STK25: variants seen among roughly 807,000 people sequenced by gnomAD.
STK25 encodes serine/threonine-protein kinase 25.
Under a neutral mutation model 53.8 loss-of-function variants are expected in STK25, and 29 were observed. That is an observed-to-expected ratio of 0.54 (90% confidence interval 0.40 to 0.74). STK25 has a LOEUF of 0.74. STK25 is among the 30% of genes least tolerant of loss of function. STK25 has a pLI of 0.00. For synonymous variants in STK25, 247 were observed against 238.3 expected, an observed-to-expected ratio of 1.04 and a Z score of -0.33; for missense variants, 420 against 568.0, an observed-to-expected ratio of 0.74 and a Z score of 2.65.
In STK25 at chr2:241,496,595, C is replaced by G. The variant is rs1216430562; in HGVS notation, c.1105-61G>C. ...AGGACAGGCCTTCAGGGAGCCTGCTCCTTTGCTCGGCCACAGTGATGCCGG... is the reference window on the plus strand; with the variant it reads ...AGGACAGGCCTTCAGGGAGCCTGCTGCTTTGCTCGGCCACAGTGATGCCGG... On this transcript the variant is annotated intron_variant, in intron 10 of 11. Transcript: ENST00000316586. The surrounding 1 kb of genome is among the most constrained non-coding windows in gnomAD (Gnocchi z 5.8). 6.4e-7 allele frequency: 1 copy of G among 1,569,732 alleles called. No homozygotes were observed. The highest frequency in any genetic ancestry group is 1.7e-5 in the Admixed American group (1 of 57,736).
Position 241,495,680 on chromosome 2 carries a change from G to T in STK25, c.1263C>A (p.His421Gln). The T allele has an allele frequency of 1.9e-6, 3 of 1,614,218 alleles. No homozygotes were observed. Among genetic ancestry groups the T allele is most frequent in the Non-Finnish European group, 2.5e-6 (3 of 1,180,024 alleles). ...RVQRFSHNRN[H>Q]LTSTR The stretch of plus-strand genomic sequence containing the variant: ...GTGCGCTTCAGCGGGTGGATGTCAG[G>T]TGGTTTCTGTTGTGTGAAAACCTGC... The change falls in exon 12 of 12, where the codon CAC becomes CAA. Residue 421 changes from histidine to glutamine, a missense_variant. Coordinates refer to ENST00000316586, the MANE Select transcript of STK25 (RefSeq NM_001271977.2).
chr2:241,508,802 C>G, upstream of STK25: 1 of 967,322 alleles, frequency 1.0e-6, no homozygotes, highest in Non-Finnish European at 1.2e-6. Flanking sequence ...CGTCTCCCGG[C>G]AGGCCGCGCG....
chr2:241,495,650 C>G lies in STK25; in HGVS notation c.*12G>C, dbSNP rs371289620. 23 of 1,614,060 alleles carry G rather than the reference C, an allele frequency of 1.4e-5. No homozygotes were observed. Among genetic ancestry groups the G allele is most frequent in the East Asian group, 2.2e-5 (1 of 44,900 alleles). On this transcript the variant is annotated 3_prime_UTR_variant, in exon 12 of 12. Coordinates refer to ENST00000316586, the MANE Select transcript of STK25 (RefSeq NM_001271977.2). ...AACGACCTTCCGTCCCCTATCTGAA[C>G]AGCAGTGCGCTTCAGCGGGTGGATG...
In STK25 at chr2:241,501,550, G is replaced by C; in HGVS notation, c.189C>G (p.Ile63Met). 6.2e-7 allele frequency: 1 copy of C among 1,614,110 alleles called. No homozygotes were observed. The highest frequency in any genetic ancestry group is 8.5e-7 in the Non-Finnish European group (1 of 1,180,026). Residue 63 changes from isoleucine (I) to methionine (M), a missense_variant, in exon 3 of 12, where the codon ATC (isoleucine) becomes ATG (methionine). Ile to Met is a conservative substitution (Grantham distance 10). Coordinates refer to ENST00000316586, the MANE Select transcript of STK25 (RefSeq NM_001271977.2). The surrounding 1 kb of genome is among the most constrained non-coding windows in gnomAD (Gnocchi z 5.3). ...GACTGAGGACAGTGATCTCCTGCTGGATGTCCTCGATCTCATCCTCGGCCT... is the reference window on the plus strand; with the variant it reads ...GACTGAGGACAGTGATCTCCTGCTGCATGTCCTCGATCTCATCCTCGGCCT... ...LEEAEDEIEDIQQEITVLSQC... is the reference protein window; with the variant it reads ...LEEAEDEIEDMQQEITVLSQC...
At chr2:241,499,674 G>A (rs2065386996) in intron 5 of STK25, 3 of 564,886 alleles carry the variant, frequency 5.3e-6, no homozygotes, top group East Asian at 3.0e-5. Context: ...CCAACGACAA[G>A]CGACTTCGCC....
At chr2:241,502,766 A>T (rs1366096977) in intron 2 of STK25, among the ~76,000 whole-genome samples, 2 of 152,024 alleles carry the variant, frequency 1.3e-5, no homozygotes, top group Admixed American at 6.5e-5. Context: ...TAAAAAAAAA[A>T]ACCTCATCAA....
At chr2:241,507,930 C>A in intron 2 of STK25, 76 bp downstream of exon 2, 1 of 1,418,900 alleles carries the variant, frequency 7.0e-7, no homozygotes, top group South Asian at 1.2e-5. Flanking sequence ...GCGTGGCGCT[C>A]CCCTCTGAAC....
At chr2:241,495,811 C>A (rs1467897670) in intron 11 of STK25, 110 bp from the exon 12 acceptor site, 2 of 1,139,334 alleles carry the variant, frequency 1.8e-6, no homozygotes, top group South Asian at 2.5e-5. Flanking sequence ...CACCGCACCA[C>A]GTGGGTCTGA....
chr2:241,495,742 G>A (rs2065111177), intron 11 of STK25, 41 bp from the exon 12 acceptor site: 1 of 1,612,798 alleles, frequency 6.2e-7, no homozygotes, highest in East Asian at 2.2e-5. Flanking sequence ...GTGCACCTCT[G>A]TGCCCAGGCT....
chr2:241,500,069 C>T (rs956228037), intron 5 of STK25, 104 bp downstream of exon 5: 1 of 950,238 alleles, frequency 1.1e-6, no homozygotes, highest in Non-Finnish European at 1.7e-6. Context: ...CTCTATACTC[C>T]AGACCCTGGG....
chr2:241,497,661 C>T lies in STK25; in HGVS notation c.1059G>A (p.Pro353=), dbSNP rs34250019. ...CCAGCGTGGACAGGCACTGGGACCTCGGCTGCCTCTTGACGGGCTCCGCAG... is the reference window on the plus strand; with the variant it reads ...CCAGCGTGGACAGGCACTGGGACCTTGGCTGCCTCTTGACGGGCTCCGCAG... The part of the protein sequence containing the change: ...QKPAEPVKRQ[P]RSQCLSTLVR... Residue 353 remains proline (P), a synonymous_variant, in exon 10 of 12, where the codon CCG becomes CCA. Coordinates refer to ENST00000316586, the MANE Select transcript of STK25 (RefSeq NM_001271977.2). The T allele has an allele frequency of 3.6e-5, 58 of 1,613,482 alleles. No homozygotes were observed. The East Asian group carries it at 9.4e-4, about 26-fold the overall frequency.
At chr2:241,497,384 GAA>G in intron 10 of STK25, 3 of 536,684 alleles carry the variant, frequency 5.6e-6, no homozygotes, top group South Asian at 5.3e-5. Context: ...TGCACCTGAA[GAA>G]AAAAAAGTCA....
At position 241,501,292 on chromosome 2, in the gene STK25, C is replaced by T. The variant is rs2065494711; in HGVS notation, c.261+186G>A. ...AGGCAGGCAAGTGGGTCCCAATGGC[C>T]ATTTAGAGCCAACTGACCCTCGTGG... On this transcript the variant is annotated intron_variant, in intron 3 of 11. Transcript: ENST00000316586. This position sits in a 1 kb window ranked among gnomAD's most constrained non-coding sequence, Gnocchi z 5.3. 7.6e-6 allele frequency: 5 copies of T among 656,254 alleles called. No individual in the cohort carries two copies. In the Admixed American group the frequency reaches 1.1e-4, roughly 15 times the overall value. 40.7% of individuals were successfully genotyped at this position (656,254 alleles called of 1,614,324 possible).
chr2:241,499,489 G>C, intron 5 of STK25, 75 bp from the exon 6 acceptor site: 5 of 1,541,406 alleles, frequency 3.2e-6, no homozygotes, highest in East Asian at 2.4e-5. Flanking sequence ...AGAAGGGCCA[G>C]GGTACCATCC....
chr2:241,505,826 G>A (rs930048234), intron 2 of STK25, among the ~76,000 whole-genome samples: 1 of 152,192 alleles, frequency 6.6e-6, no homozygotes, highest in Admixed American at 6.5e-5. Context: ...GAGAAGAAAG[G>A]GTAAGTGGGC....
upstream of STK25, chr2:241,508,672 G>T: frequency 1.0e-6 from 1 of 985,886 alleles, no homozygotes; most frequent in Non-Finnish European, 1.2e-6. Flanking sequence ...CTCCGGGCCC[G>T]GAAGCCTGCT....
At chr2:241,500,113 CCTCT>C (rs763940409) in intron 5 of STK25, 56 bp downstream of exon 5, 11 of 1,466,078 alleles carry the variant, frequency 7.5e-6, no homozygotes, top group African/African-American at 6.9e-5. Context: ...CAGGCCCCGG[CCTCT>C]CTAAGGTCAG....
chr2:241,501,515 C>T lies in STK25; in HGVS notation c.224G>A (p.Ser75Asn), dbSNP rs182512698. 9 of 1,614,120 alleles carry T rather than the reference C, an allele frequency of 5.6e-6. No homozygotes were observed. The highest frequency in any genetic ancestry group is 7.6e-6 in the Non-Finnish European group (9 of 1,180,030). ...GCCAAAGTAGCGGGTGATGTAGGGG[C>T]TGTCGCACTGACTGAGGACAGTGAT... is the stretch of plus-strand genomic sequence containing the variant. ...QEITVLSQCD[S>N]PYITRYFGSY... Residue 75 changes from serine (S) to asparagine (N), a missense_variant, in exon 3 of 12, where the codon AGC becomes AAC. Physicochemically the swap from Ser to Asn is conservative, Grantham distance 46 (BLOSUM62 1). Transcript: ENST00000316586. This position sits in a 1 kb window ranked among gnomAD's most constrained non-coding sequence, Gnocchi z 5.3.
At chr2:241,504,092 G>A (rs35817614) in intron 2 of STK25, 6,837 of 471,210 alleles carry the variant, frequency 0.015, 224 homozygotes, top group South Asian at 0.067. Flanking sequence ...GAGGTGACTG[G>A]AACTCTGGGG....
Sources: gnomAD v4.1 joint callset for allele counts (sites outside exome capture counted in the v4.1 genomes callset) on GRCh38, gnomAD v4.1.1 for gene constraint, Gnocchi (gnomAD v3.1) non-coding constraint, MANE v1.5 for transcripts, NCBI Gene and HGNC (gene_info 2026-07-23, HGNC 2026-07-21) for gene names.